The following TXLNG variants were observed in gnomAD, a reference collection of about 807,000 sequenced individuals.
The protein encoded by TXLNG is gamma-taxilin.
TXLNG carries 5 observed loss-of-function variants against 38.8 expected under a neutral mutation model. The ratio of observed to expected loss-of-function variants is 0.13; its 90% CI spans 0.07 to 0.27. The LOEUF (loss-of-function observed/expected upper bound fraction) is 0.27. TXLNG is among the 10% of genes least tolerant of loss of function. The pLI, the probability that TXLNG is intolerant of heterozygous loss-of-function variation, is 1.00. For missense variants in TXLNG, 393 were observed against 398.2 expected (o/e 0.99, Z 0.11); for synonymous variants, 182 against 158.2 (o/e 1.15, Z -1.13).
intron 2 of TXLNG, 36 bp downstream of exon 2, chrX:16,818,913 C>G (rs1157081264): frequency 8.7e-7 from 1 of 1,147,177 alleles, no homozygotes; most frequent in East Asian, 3.0e-5. Flanking sequence ...GTTTCACATG[C>G]TAATCATTTT....
chrX:16,822,424 G>A (rs1929009810), intron 3 of TXLNG, among the ~76,000 whole-genome samples: 2 of 111,568 alleles, frequency 1.8e-5, no homozygotes, highest in South Asian at 7.4e-4. Flanking sequence ...TCAGCAGCTT[G>A]GCACCTTTCA....
chrX:16,841,367 A>C (rs1929814102), intron 9 of TXLNG, 61 bp from the exon 10 acceptor site: 2 of 1,077,449 alleles, frequency 1.9e-6, no homozygotes, highest in Non-Finnish European at 2.5e-6. Flanking sequence ...GAGCTGGCTT[A>C]ATTTTTTTGT....
chrX:16,810,342 G>A (rs768681452), intron 1 of TXLNG, among the ~76,000 whole-genome samples: 1 of 111,981 alleles, frequency 8.9e-6, no homozygotes, highest in South Asian at 3.7e-4. Context: ...TGGTTGAGGA[G>A]ATGAGGTCTG....
intron 3 of TXLNG, among the ~76,000 whole-genome samples, chrX:16,827,317 C>T (rs1929205636): frequency 8.9e-6 from 1 of 111,940 alleles, no homozygotes; most frequent in Non-Finnish European, 1.9e-5. Flanking sequence ...ATGATCTAGA[C>T]AGACATTCAC....
intron 1 of TXLNG, among the ~76,000 whole-genome samples, chrX:16,810,500 CTG>C (rs1928473369): frequency 8.9e-6 from 1 of 111,757 alleles, no homozygotes; most frequent in Non-Finnish European, 1.9e-5. Context: ...TATTTGTAGA[CTG>C]TGGTTTGAAT....
intron 1 of TXLNG, among the ~76,000 whole-genome samples, chrX:16,797,726 CTT>C (rs1363018431): frequency 8.9e-6 from 1 of 112,554 alleles, no homozygotes; most frequent in Non-Finnish European, 1.9e-5. Flanking sequence ...CATCTTCTCA[CTT>C]TTGATAAATT....
At chrX:16,838,983 G>A (rs887316926) in intron 8 of TXLNG, among the ~76,000 whole-genome samples, 3 of 111,976 alleles carry the variant, frequency 2.7e-5, no homozygotes, top group African/African-American at 9.8e-5. Context: ...CAGGGCACTG[G>A]CTCTGTCTTA....
intron 6 of TXLNG, among the ~76,000 whole-genome samples, chrX:16,833,748 C>T (rs897960920): frequency 8.9e-6 from 1 of 111,890 alleles, no homozygotes; most frequent in Non-Finnish European, 1.9e-5. Context: ...AATTTCACAA[C>T]TGCCTACTAT....
At chrX:16,800,184 C>T (rs1169341577) in intron 1 of TXLNG, among the ~76,000 whole-genome samples, 1 of 112,186 alleles carries the variant, frequency 8.9e-6, no homozygotes, top group Non-Finnish European at 1.9e-5. Context: ...AGGCGATCCA[C>T]CCACCTTGGT....
intron 3 of TXLNG, among the ~76,000 whole-genome samples, chrX:16,821,648 C>T (rs1928961971): frequency 8.9e-6 from 1 of 112,209 alleles, no homozygotes; most frequent in Non-Finnish European, 1.9e-5. Flanking sequence ...CAGTTAATTC[C>T]ATATCATAAG....
At chrX:16,833,794 T>C (rs1049113408) in intron 6 of TXLNG, among the ~76,000 whole-genome samples, 2 of 111,581 alleles carry the variant, frequency 1.8e-5, no homozygotes, top group Admixed American at 9.6e-5. Context: ...ACAAGTACTA[T>C]ATATAAATGA....
intron 1 of TXLNG, among the ~76,000 whole-genome samples, chrX:16,788,278 T>A (rs1927570303): frequency 8.9e-6 from 1 of 112,221 alleles, no homozygotes; most frequent in Admixed American, 9.5e-5. Flanking sequence ...TTTAATCAAC[T>A]AGCATTTAAA....
intron 3 of TXLNG, among the ~76,000 whole-genome samples, chrX:16,824,658 C>T (rs1929104396): frequency 9.1e-6 from 1 of 110,134 alleles, no homozygotes. Flanking sequence ...GTGGCTCACA[C>T]CTGTAATCCC....
rs1057198350 is a variant in TXLNG, at chrX:16,818,931, T to C, written c.406+54T>C. The C allele has an allele frequency of 3.6e-6, 4 of 1,113,912 alleles. No homozygotes were observed. In the African/African-American group the frequency reaches 7.4e-5, roughly 21 times the overall value. The allele number at this position is 1,113,912 out of a possible 1,213,427, so 91.8% of individuals were successfully genotyped here. ...TCACATGCTAATCATTTTACTTGTGTTTTCTGCAGCCCAGATAATTTTGAA... is the reference window on the plus strand; with the variant it reads ...TCACATGCTAATCATTTTACTTGTGCTTTCTGCAGCCCAGATAATTTTGAA... On this transcript the variant is annotated intron_variant, in intron 2 of 9. Transcript: ENST00000380122.
chrX:16,805,177 C>G (rs1928293023), intron 1 of TXLNG, among the ~76,000 whole-genome samples: 1 of 108,049 alleles, frequency 9.3e-6, no homozygotes, highest in Admixed American at 1.0e-4. Context: ...AGAGACAGGT[C>G]TTGCTGTGTT....
chrX:16,841,977 C>A lies in TXLNG; in HGVS notation c.*211C>A. The A allele has an allele frequency of 2.4e-6, 1 of 411,328 alleles. No individual in the cohort carries two copies. Among genetic ancestry groups the A allele is most frequent in the Non-Finnish European group, 4.2e-6 (1 of 239,106 alleles). 33.9% of individuals were successfully genotyped at this position (411,328 alleles called of 1,213,427 possible). A position where few individuals can be genotyped will look rare whatever the true frequency, so the allele number is the denominator to read the frequency against. ...TTTCCTCAGCTGTGTTGCACATCAG[C>A]CTCGTTCTCCCTCCACTGGAATGCA... is the stretch of plus-strand genomic sequence containing the variant. On this transcript the variant is annotated 3_prime_UTR_variant, in exon 10 of 10. Transcript: ENST00000380122.
Position 16,818,743 on chromosome X carries a change from A to C in TXLNG, c.272A>C (p.Glu91Ala), listed in dbSNP as rs929526009. 1.6e-6 allele frequency: 2 copies of C among 1,212,187 alleles called. No individual in the cohort carries two copies. The highest frequency in any genetic ancestry group is 2.2e-6 in the Non-Finnish European group (2 of 895,649). ...GATGAAGGCAGTGACTTTATAACAG[A>C]GAACAGGAATTTGGTGAGCCCAGCA... ...EEDEGSDFIT[E>A]NRNLVSPAYC... The change falls in exon 2 of 10, where the codon GAG becomes GCG. Residue 91 changes from glutamate to alanine, a missense_variant. Glu to Ala is a moderately radical substitution (Grantham distance 107). Coordinates refer to ENST00000380122, the MANE Select transcript of TXLNG (RefSeq NM_018360.3).
chrX:16,803,958 AAAG>A (rs1357529645), intron 1 of TXLNG, among the ~76,000 whole-genome samples: 1 of 110,881 alleles, frequency 9.0e-6, no homozygotes, highest in Non-Finnish European at 1.9e-5. Context: ...TCTCAAAAAA[AAAG>A]AAGCACAAAG....
chrX:16,820,988 C>G (rs1486938095), intron 3 of TXLNG, among the ~76,000 whole-genome samples: 1 of 109,209 alleles, frequency 9.2e-6, no homozygotes, highest in Non-Finnish European at 1.9e-5. Context: ...CCAGGATGGT[C>G]TTGATCTCCT....
Sources: gnomAD v4.1 joint callset for allele counts (sites outside exome capture counted in the v4.1 genomes callset) on GRCh38, gnomAD v4.1.1 for gene constraint, MANE v1.5 for transcripts, NCBI Gene and HGNC (gene_info 2026-07-23, HGNC 2026-07-21) for gene names.